Variants in DAB1 observed in about 807,000 individuals in gnomAD.
DAB1 encodes disabled homolog 1.
In DAB1, 15 loss-of-function variants were observed where a neutral mutation model predicts 64.6. That is an observed-to-expected ratio of 0.23 (90% CI 0.16 to 0.36). DAB1 has a LOEUF of 0.36. DAB1 is among the 10% of genes least tolerant of loss of function. The probability of loss-of-function intolerance (pLI) is 1.00; values close to 1 mark genes in which losing one functional copy is unlikely to be tolerated. For synonymous variants in DAB1, 235 were observed against 251.9 expected (o/e 0.93, Z 0.64); for missense variants, 596 against 706.7 (o/e 0.84, Z 1.78).
At chr1:57,760,503 C>T (rs1247129049) in intron 6 of DAB1, among the ~76,000 whole-genome samples, 1 of 151,904 alleles carries the variant, frequency 6.6e-6, no homozygotes, top group Non-Finnish European at 1.5e-5. Flanking sequence ...CCCTTCTCTT[C>T]TCTTTCTTCC....
At chr1:56,998,794 AG>A (rs34183238) in intron 14 of DAB1, among the ~76,000 whole-genome samples, 1,881 of 152,274 alleles carry the variant, frequency 0.012, 44 homozygotes, top group African/African-American at 0.043. Context: ...GCCTGCACCC[AG>A]GGGGCTGTCC....
At chr1:58,234,906 A>G (rs756687942) in intron 4 of DAB1, among the ~76,000 whole-genome samples, 5 of 152,248 alleles carry the variant, frequency 3.3e-5, no homozygotes, top group Non-Finnish European at 7.3e-5. Flanking sequence ...GGAACTGGAT[A>G]AGAGAAAACA....
At chr1:58,002,758 A>C (rs1249579508) in intron 5 of DAB1, among the ~76,000 whole-genome samples, 6 of 152,174 alleles carry the variant, frequency 3.9e-5, no homozygotes, top group Non-Finnish European at 8.8e-5. Flanking sequence ...CATTTTAGAG[A>C]GCATATGTCA....
chr1:58,240,967 G>A (rs1189100467), intron 4 of DAB1, among the ~76,000 whole-genome samples: 1 of 152,150 alleles, frequency 6.6e-6, no homozygotes, highest in Non-Finnish European at 1.5e-5. Context: ...ATCTGACAGT[G>A]AGGAGAGTTG....
At chr1:57,546,435 T>C (rs1644857416) in intron 7 of DAB1, among the ~76,000 whole-genome samples, 1 of 152,248 alleles carries the variant, frequency 6.6e-6, no homozygotes, top group Non-Finnish European at 1.5e-5. Context: ...CCACAGGCTC[T>C]GAAGCCTGAC....
intron 8 of DAB1, among the ~76,000 whole-genome samples, chr1:57,063,313 T>C (rs1471588548): frequency 6.6e-6 from 1 of 152,160 alleles, no homozygotes; most frequent in Non-Finnish European, 1.5e-5. Context: ...CTGAAGTGAT[T>C]AAAAACAGTT....
intron 5 of DAB1, among the ~76,000 whole-genome samples, chr1:57,948,807 G>A (rs1281369751): frequency 6.6e-6 from 1 of 152,176 alleles, no homozygotes; most frequent in African/African-American, 2.4e-5. Flanking sequence ...TGAAGAATCT[G>A]AACCTAGAGG....
Position 57,529,234 on chromosome 1 carries a change from T to C in DAB1, n.625+120358A>G, listed in dbSNP as rs993324640. 2.6e-5 allele frequency among the ~76,000 whole-genome samples: 4 copies of C among 152,100 alleles called. No homozygotes were observed. In the East Asian group the frequency reaches 7.7e-4, roughly 29 times the overall value. Reference sequence around the variant, plus strand: ...GCTCTAAAAATTAACACAAAAAGCATAGGCAAAGTCAACAGAGATAAAAAT... The same window carrying C: ...GCTCTAAAAATTAACACAAAAAGCACAGGCAAAGTCAACAGAGATAAAAAT... On this transcript the variant is annotated intron_variant and non_coding_transcript_variant, in intron 7 of 20. Coordinates refer to the DAB1 transcript ENST00000485760.
At chr1:57,018,919 C>T (rs543811234) in intron 11 of DAB1, among the ~76,000 whole-genome samples, 4 of 152,146 alleles carry the variant, frequency 2.6e-5, no homozygotes, top group Non-Finnish European at 5.9e-5. Context: ...CTCTGCTGGC[C>T]CATCTGCCTG....
At chr1:57,330,690 C>T (rs1011152915) in intron 1 of DAB1, among the ~76,000 whole-genome samples, 1 of 152,146 alleles carries the variant, frequency 6.6e-6, no homozygotes, top group Non-Finnish European at 1.5e-5. Flanking sequence ...TGTCACTCCT[C>T]ATTGTGTCCC....
At chr1:57,527,451 C>A (rs924709209) in intron 7 of DAB1, among the ~76,000 whole-genome samples, 2 of 152,110 alleles carry the variant, frequency 1.3e-5, no homozygotes, top group African/African-American at 4.8e-5. Context: ...GAGGCAACAG[C>A]AACTGAAGTT....
At chr1:58,310,529 AT>A (rs1396118233) in intron 4 of DAB1, among the ~76,000 whole-genome samples, 1 of 152,186 alleles carries the variant, frequency 6.6e-6, no homozygotes, top group African/African-American at 2.4e-5. Flanking sequence ...TGATTCAACA[AT>A]GCCTTTGCCT....
At chr1:58,450,118 C>A (rs1645116171) in intron 3 of DAB1, among the ~76,000 whole-genome samples, 1 of 152,164 alleles carries the variant, frequency 6.6e-6, no homozygotes, top group Non-Finnish European at 1.5e-5. Flanking sequence ...CTGTCTTGCT[C>A]CTACTAAAAG....
chr1:57,923,422 T>C (rs1644837657), intron 5 of DAB1, among the ~76,000 whole-genome samples: 1 of 152,208 alleles, frequency 6.6e-6, no homozygotes, highest in South Asian at 2.1e-4. Flanking sequence ...TCTATGTCAG[T>C]GTCTATGACC....
At chr1:58,319,135 G>C (rs1662624952) in intron 4 of DAB1, among the ~76,000 whole-genome samples, 1 of 152,126 alleles carries the variant, frequency 6.6e-6, no homozygotes, top group South Asian at 2.1e-4. Flanking sequence ...GGGAGAAAGA[G>C]GGGGCTGGGG....
chr1:57,950,516 T>G (rs1388043865), intron 5 of DAB1, among the ~76,000 whole-genome samples: 1 of 152,168 alleles, frequency 6.6e-6, no homozygotes, highest in Non-Finnish European at 1.5e-5. Flanking sequence ...TGGGATCACT[T>G]CATTCTCCTG....
At chr1:57,241,450 C>T (rs1334834741) in intron 2 of DAB1, among the ~76,000 whole-genome samples, 1 of 152,082 alleles carries the variant, frequency 6.6e-6, no homozygotes, top group Non-Finnish European at 1.5e-5. Flanking sequence ...GCCTACCAAC[C>T]AGGGCACAAA....
At chr1:58,203,908 C>G (rs1411004333) in intron 4 of DAB1, among the ~76,000 whole-genome samples, 2 of 152,102 alleles carry the variant, frequency 1.3e-5, no homozygotes, top group Non-Finnish European at 2.9e-5. Flanking sequence ...GTTTATTGAA[C>G]AAATAGCTAA....
chr1:57,711,993 A>T (rs1433739694), intron 6 of DAB1, among the ~76,000 whole-genome samples: 4 of 151,952 alleles, frequency 2.6e-5, no homozygotes, highest in Non-Finnish European at 5.9e-5. Flanking sequence ...CTTTTATATT[A>T]TTTTTTTCTA....
Sources: gnomAD v4.1 joint callset for allele counts (sites outside exome capture counted in the v4.1 genomes callset) on GRCh38, gnomAD v4.1.1 for gene constraint, MANE v1.5 for transcripts, NCBI Gene and HGNC (gene_info 2026-07-23, HGNC 2026-07-21) for gene names.